SORCS2: variants seen among roughly 807,000 people sequenced by gnomAD.
The protein encoded by SORCS2 is VPS10 domain-containing receptor SorCS2.
In SORCS2, 100 loss-of-function variants were observed where a neutral mutation model predicts 141.6. That is an observed-to-expected ratio of 0.71 (90% CI 0.60 to 0.83). The LOEUF is 0.83. SORCS2 is among the 40% of genes least tolerant of loss of function. The pLI is 0.00. For synonymous variants in SORCS2, 789 were observed against 676.9 expected, an observed-to-expected ratio of 1.17 and a Z score of -2.57; for missense variants, 1,646 against 1,560.2, an observed-to-expected ratio of 1.05 and a Z score of -0.93.
intron 2 of SORCS2, among the ~76,000 whole-genome samples, chr4:7,499,080 T>C (rs62280181): frequency 0.066 from 10,051 of 151,774 alleles, 324 homozygotes; most frequent in Non-Finnish European, 0.077. Flanking sequence ...TATGTGGGAG[T>C]GTGTGTCTGT....
chr4:7,733,488 C>A, intron 24 of SORCS2, 67 bp downstream of exon 24: 1 of 1,293,622 alleles, frequency 7.7e-7, no homozygotes, highest in Non-Finnish European at 1.1e-6. Flanking sequence ...GAAGCCATGT[C>A]CCTGCAGGGC....
intron 5 of SORCS2, among the ~76,000 whole-genome samples, chr4:7,658,848 G>A (rs1380126173): frequency 6.6e-6 from 1 of 152,212 alleles, no homozygotes; most frequent in African/African-American, 2.4e-5. Context: ...TCAGTGGTGG[G>A]GAGAGGCCAT....
Position 7,207,330 on chromosome 4 carries a change from C to T in SORCS2, c.480+14204C>T, listed in dbSNP as rs537298299. 1.1e-4 allele frequency among the ~76,000 whole-genome samples: 16 copies of T among 152,352 alleles called. No homozygotes were observed. The South Asian group carries it at 1.9e-3, about 18-fold the overall frequency. On this transcript the variant is annotated intron_variant, in intron 1 of 26. Coordinates refer to ENST00000507866, the MANE Select transcript of SORCS2 (RefSeq NM_020777.3). ...TGGGAAGGCTTGCTGCTGGCCCCTC[C>T]GAGCCCCTCCCGCCCACACAGCCTG...
intron 9 of SORCS2, 139 bp downstream of exon 9, chr4:7,676,368 G>T (rs1723113286): frequency 3.4e-6 from 3 of 890,874 alleles, no homozygotes; most frequent in Non-Finnish European, 3.3e-6. Flanking sequence ...TCTGTACACA[G>T]CCAAATATTT....
At chr4:7,388,186 C>A (rs551297641) in intron 1 of SORCS2, among the ~76,000 whole-genome samples, 1 of 152,294 alleles carries the variant, frequency 6.6e-6, no homozygotes, top group East Asian at 1.9e-4. Flanking sequence ...GACAGGTAGA[C>A]GGCCTGCAGA....
intron 1 of SORCS2, among the ~76,000 whole-genome samples, chr4:7,204,672 C>T (rs772670750): frequency 2.6e-5 from 4 of 152,158 alleles, no homozygotes; most frequent in Non-Finnish European, 5.9e-5. Flanking sequence ...AGGACAATCC[C>T]GTGCCTAGAA....
At chr4:7,518,156 A>T (rs964845400) in intron 2 of SORCS2, among the ~76,000 whole-genome samples, 1 of 152,128 alleles carries the variant, frequency 6.6e-6, no homozygotes, top group Non-Finnish European at 1.5e-5. Context: ...GTTGTTCTCA[A>T]TTGTTTCATT....
At chr4:7,639,272 T>C (rs1720476724) in intron 4 of SORCS2, among the ~76,000 whole-genome samples, 2 of 152,204 alleles carry the variant, frequency 1.3e-5, no homozygotes, top group African/African-American at 4.8e-5. Flanking sequence ...GGAGCTGCAC[T>C]TCCCCCTGGG....
At chr4:7,278,593 T>TTCATAGACCCAGGGACATTCCTCC (rs1715665213) in intron 1 of SORCS2, among the ~76,000 whole-genome samples, 1 of 152,170 alleles carries the variant, frequency 6.6e-6, no homozygotes, top group East Asian at 1.9e-4. Flanking sequence ...GTACATCTGT[T>TTCATAGACCCAGGGACATTCCTCC]TCATAGACCC....
At position 7,667,153 on chromosome 4, in the gene SORCS2, C is replaced by T. The variant is rs33978179; in HGVS notation, c.1101C>T (p.Tyr367=). 77,607 of 1,613,470 alleles carry T rather than the reference C, an allele frequency of 0.048. 2,092 individuals carry two copies. Among genetic ancestry groups the T allele is most frequent in the Middle Eastern group, 0.064 (385 of 6,060 alleles). Residue 367 remains tyrosine, a synonymous_variant, in exon 8 of 27, where the codon TAC becomes TAT. Coordinates refer to ENST00000507866, the MANE Select transcript of SORCS2 (RefSeq NM_020777.3). ...CATCAGCAAACCAGACAAAATACTACGTCTCTTATCGTCGAAATGAATTTG... is the reference window on the plus strand; with the variant it reads ...CATCAGCAAACCAGACAAAATACTATGTCTCTTATCGTCGAAATGAATTTG... ...KATSANQTKY[Y]VSYRRNEFVL...
In SORCS2 at chr4:7,645,745, T is replaced by G. The variant is rs187680203; in HGVS notation, c.813+7253T>G. On this transcript the variant is annotated intron_variant, in intron 4 of 26. Coordinates refer to ENST00000507866, the MANE Select transcript of SORCS2 (RefSeq NM_020777.3). ...GCTTATGTTCTAGGGGATGAAAACTTTCTTTAAAAAGTCCTTTCTGAATAT... is the reference window on the plus strand; with the variant it reads ...GCTTATGTTCTAGGGGATGAAAACTGTCTTTAAAAAGTCCTTTCTGAATAT... Among the ~76,000 whole-genome samples, 3 of 152,282 alleles carry G rather than the reference T, an allele frequency of 2.0e-5. No individual in the cohort carries two copies. The East Asian group carries it at 5.8e-4, about 29-fold the overall frequency.
intron 1 of SORCS2, among the ~76,000 whole-genome samples, chr4:7,207,559 T>A (rs969738314): frequency 6.6e-6 from 1 of 152,176 alleles, no homozygotes; most frequent in Non-Finnish European, 1.5e-5. Flanking sequence ...TCATCTGCAC[T>A]GGGGCTGGCA....
In SORCS2 at chr4:7,689,638, A is replaced by G. The variant is rs74482062; in HGVS notation, c.1591+50A>G. The G allele has an allele frequency of 6.4e-4, 963 of 1,500,288 alleles. 6 individuals are homozygous for G. In the African/African-American group the frequency reaches 0.012, roughly 19 times the overall value. 92.9% of individuals were successfully genotyped at this position (1,500,288 alleles called of 1,614,324 possible). On this transcript the variant is annotated intron_variant, in intron 11 of 26. Coordinates refer to ENST00000507866, the MANE Select transcript of SORCS2 (RefSeq NM_020777.3). ...CTGGCAGGTGCCATTACAGCCCAAG[A>G]GTACCTCCAATCTTAAGGGTAAAAA...
At chr4:7,554,755 A>C (rs1338969124) in intron 3 of SORCS2, among the ~76,000 whole-genome samples, 2 of 152,166 alleles carry the variant, frequency 1.3e-5, no homozygotes, top group Non-Finnish European at 2.9e-5. Flanking sequence ...GAACATCCCA[A>C]AGAGAAATGC....
At chr4:7,717,554 G>GA (rs1726275142) in intron 17 of SORCS2, among the ~76,000 whole-genome samples, 1 of 152,220 alleles carries the variant, frequency 6.6e-6, no homozygotes, top group Non-Finnish European at 1.5e-5. Flanking sequence ...CGGAGCCCAG[G>GA]AGGAGGGGTG....
At chr4:7,218,087 T>C (rs1728473325) in intron 1 of SORCS2, among the ~76,000 whole-genome samples, 1 of 151,964 alleles carries the variant, frequency 6.6e-6, no homozygotes, top group Non-Finnish European at 1.5e-5. Context: ...AGCTGCCGGA[T>C]GGGTTGGGGG....
intron 7 of SORCS2, among the ~76,000 whole-genome samples, chr4:7,666,209 C>T (rs1027698754): frequency 1.9e-4 from 29 of 152,280 alleles, no homozygotes; most frequent in Admixed American, 6.5e-5. Flanking sequence ...GTCTGGGCAT[C>T]TTGGGGGTTT....
intron 3 of SORCS2, among the ~76,000 whole-genome samples, chr4:7,608,397 C>T (rs765164642): frequency 6.6e-6 from 1 of 152,252 alleles, no homozygotes; most frequent in Non-Finnish European, 1.5e-5. Context: ...CGTGCCCTGG[C>T]TTATTGACAC....
chr4:7,197,968 C>T (rs576066565), intron 1 of SORCS2, among the ~76,000 whole-genome samples: 134 of 152,302 alleles, frequency 8.8e-4, no homozygotes, highest in Non-Finnish European at 1.6e-3. Context: ...TGAGATCTTC[C>T]ATGTCAAATG....
Sources: allele counts gnomAD v4.1 joint callset (sites outside exome capture counted in the v4.1 genomes callset), GRCh38; gene constraint gnomAD v4.1.1; transcripts MANE v1.5; gene names NCBI Gene and HGNC (gene_info 2026-07-23, HGNC 2026-07-21).